Variants in NLGN4Y observed in about 807,000 individuals in gnomAD.
NLGN4Y encodes neuroligin 4 Y-linked.
In NLGN4Y, 4 loss-of-function variants were observed where a neutral mutation model predicts 8.4. That is an observed-to-expected ratio of 0.48 (90% CI 0.23 to 1.09). The LOEUF is 1.09. Among genes scored for constraint, NLGN4Y ranks in the 50% least tolerant of loss-of-function variants. The pLI is 0.19. For synonymous variants in NLGN4Y, 35 were observed against 75.6 expected, an observed-to-expected ratio of 0.46 and a Z score of 2.78; for missense variants, 90 against 192.3, an observed-to-expected ratio of 0.47 and a Z score of 3.15.
At chrY:14,649,784 T>C in intron 2 of NLGN4Y, among the ~76,000 whole-genome samples, 1 of 33,890 alleles carries the variant, frequency 3.0e-5, no homozygotes, top group Admixed American at 2.7e-4. Context: ...TCTTCCGTCT[T>C]TTAAAAGTCA....
At chrY:14,708,091 G>A in intron 2 of NLGN4Y, among the ~76,000 whole-genome samples, 1 of 32,718 alleles carries the variant, frequency 3.1e-5, no homozygotes. Flanking sequence ...ATTTTATCAA[G>A]TTTTTTTAAA....
intron 4 of NLGN4Y, among the ~76,000 whole-genome samples, chrY:14,768,697 G>T (rs2081098893): frequency 6.1e-5 from 2 of 32,569 alleles, no homozygotes; most frequent in Non-Finnish European, 1.5e-4. Flanking sequence ...GAAATTGTGA[G>T]TATATAGTAT....
intron 4 of NLGN4Y, among the ~76,000 whole-genome samples, chrY:14,787,301 C>T: frequency 3.0e-5 from 1 of 32,839 alleles, no homozygotes; most frequent in Non-Finnish European, 7.4e-5. Flanking sequence ...GCTGAGATTA[C>T]AAGCATGAGT....
chrY:14,599,667 A>G, intron 1 of NLGN4Y, among the ~76,000 whole-genome samples: 1 of 33,036 alleles, frequency 3.0e-5, no homozygotes, highest in African/African-American at 1.2e-4. Flanking sequence ...GCTTTGAATC[A>G]TAGTCGTAAA....
At chrY:14,698,573 T>A in intron 2 of NLGN4Y, among the ~76,000 whole-genome samples, 1 of 32,611 alleles carries the variant, frequency 3.1e-5, no homozygotes, top group East Asian at 8.3e-4. Flanking sequence ...GGAAGGACAG[T>A]ACCCCTTTGA....
At chrY:14,736,901 G>T in intron 4 of NLGN4Y, among the ~76,000 whole-genome samples, 3 of 33,009 alleles carry the variant, frequency 9.1e-5, no homozygotes, top group Non-Finnish European at 2.2e-4. Flanking sequence ...AGCAACATGA[G>T]AATGGACTAA....
At chrY:14,555,215 C>A in intron 1 of NLGN4Y, among the ~76,000 whole-genome samples, 2 of 33,005 alleles carry the variant, frequency 6.1e-5, no homozygotes, top group African/African-American at 1.2e-4. Flanking sequence ...TTAGTCCATT[C>A]GGATTGCTGT....
chrY:14,814,172 G>A, intron 4 of NLGN4Y, among the ~76,000 whole-genome samples: 1 of 32,699 alleles, frequency 3.1e-5, no homozygotes, highest in South Asian at 7.1e-4. Context: ...GTTTCCACTC[G>A]ACCCAGGAAG....
intron 4 of NLGN4Y, among the ~76,000 whole-genome samples, chrY:14,792,587 G>A (rs2042989179): frequency 7.1e-5 from 2 of 28,184 alleles, no homozygotes; most frequent in South Asian, 8.7e-4. Context: ...CAAAGAGTTC[G>A]AGCCCATCCT....
intron 2 of NLGN4Y, among the ~76,000 whole-genome samples, chrY:14,624,666 ACACAAAC>A (rs2080522296): frequency 3.0e-5 from 1 of 33,647 alleles, no homozygotes; most frequent in African/African-American, 1.2e-4. Context: ...CTGCATGTTT[ACACAAAC>A]CACAAGTCAC....
intron 2 of NLGN4Y, among the ~76,000 whole-genome samples, chrY:14,680,201 C>T: frequency 6.1e-5 from 2 of 33,020 alleles, no homozygotes; most frequent in Non-Finnish European, 1.5e-4. Context: ...GTTTCTAGAT[C>T]ATAAGCATTC....
At chrY:14,759,392 C>T in intron 4 of NLGN4Y, among the ~76,000 whole-genome samples, 1 of 32,709 alleles carries the variant, frequency 3.1e-5, no homozygotes, top group Non-Finnish European at 7.5e-5. Flanking sequence ...GCTCCTCCTC[C>T]CAAGTTCACG....
chrY:14,589,801 G>T, intron 1 of NLGN4Y, among the ~76,000 whole-genome samples: 1 of 34,530 alleles, frequency 2.9e-5, no homozygotes, highest in Non-Finnish European at 7.3e-5. Flanking sequence ...CAGCCCTTGG[G>T]TGGTCGATGG....
At chrY:14,742,933 C>T in intron 4 of NLGN4Y, among the ~76,000 whole-genome samples, 4 of 31,750 alleles carry the variant, frequency 1.3e-4, no homozygotes, top group African/African-American at 2.5e-4. Context: ...ATAATCATCA[C>T]GTTCTGACAG....
chrY:14,562,540 T>G (rs2080233599), intron 1 of NLGN4Y, among the ~76,000 whole-genome samples: 1 of 33,628 alleles, frequency 3.0e-5, no homozygotes, highest in Non-Finnish European at 7.4e-5. Flanking sequence ...CTGGCCCCTT[T>G]TTTGGTTCCA....
Position 14,844,783 on chromosome Y carries a change from T to C in NLGN4Y, c.*3521T>C. On this transcript the variant is annotated 3_prime_UTR_variant, in exon 7 of 7. Coordinates refer to ENST00000684976, the MANE Select transcript of NLGN4Y (RefSeq NM_001365588.1). ...ATACATACACACACATATGCATATA[T>C]GTATATATGTACATGTATGTGTACA... 3.0e-5 allele frequency: 1 copy of C among 33,792 alleles called. No individual in the cohort carries two copies. The highest frequency in any genetic ancestry group is 7.4e-5 in the Non-Finnish European group (1 of 13,566). 8.4% of individuals were successfully genotyped at this position (33,792 alleles called of 400,897 possible).
At chrY:14,838,322 C>T (rs771079686) in intron 6 of NLGN4Y, among the ~76,000 whole-genome samples, 5 of 32,998 alleles carry the variant, frequency 1.5e-4, no homozygotes, top group African/African-American at 3.5e-4. Flanking sequence ...CTCTTAGTAA[C>T]GTGAAAGCAC....
chrY:14,797,655 A>G (rs1055345379), intron 4 of NLGN4Y, among the ~76,000 whole-genome samples: 1 of 33,513 alleles, frequency 3.0e-5, no homozygotes, highest in Non-Finnish European at 7.3e-5. Flanking sequence ...ATTGTGTCCC[A>G]TTTCTATATG....
intron 2 of NLGN4Y, among the ~76,000 whole-genome samples, chrY:14,649,031 CT>C (rs2080620338): frequency 3.2e-5 from 1 of 31,022 alleles, no homozygotes; most frequent in East Asian, 8.5e-4. Context: ...TTGATATTTT[CT>C]TTCCCCCACA....
Sources: allele counts gnomAD v4.1 joint callset (sites outside exome capture counted in the v4.1 genomes callset), GRCh38; gene constraint gnomAD v4.1.1; transcripts MANE v1.5; gene names NCBI Gene and HGNC (gene_info 2026-07-23, HGNC 2026-07-21).